Variants in SLC26A4 observed in about 807,000 individuals in gnomAD.
SLC26A4 encodes solute carrier family 26 member 4.
In SLC26A4, 93 loss-of-function variants were observed where a neutral mutation model predicts 90.4. That is an observed-to-expected ratio of 1.03 (90% CI 0.87 to 1.22). The LOEUF is 1.22. Ranked by LOEUF, SLC26A4 falls within the 50% of genes most tolerant of loss-of-function variation. The pLI, the probability that SLC26A4 is intolerant of heterozygous loss-of-function variation, is 0.00. For missense variants in SLC26A4, 1,127 were observed against 946.2 expected, an observed-to-expected ratio of 1.19 and a Z score of -2.51; for synonymous variants, 393 against 354.6, an observed-to-expected ratio of 1.11 and a Z score of -1.22.
chr7:107,687,319 C>T (rs1791448000), intron 8 of SLC26A4, among the ~76,000 whole-genome samples: 1 of 152,166 alleles, frequency 6.6e-6, no homozygotes, highest in Non-Finnish European at 1.5e-5. Flanking sequence ...ACTTACAGGT[C>T]ATTAGAAGAT....
In SLC26A4 at chr7:107,661,765, G is replaced by A; in HGVS notation, c.124G>A (p.Glu42Lys). ...FQQQHERRLQ[E>K]RKTLRESLAK... The stretch of plus-strand genomic sequence containing the variant: ...GCAACAGCACGAGCGGCGCCTGCAG[G>A]AGCGCAAGACGCTGCGGGAGAGCCT... The change falls in exon 2 of 21, where the codon GAG (glutamate) becomes AAG (lysine). Residue 42 changes from glutamate to lysine, a missense_variant. Glu to Lys is a moderately conservative substitution (Grantham distance 56). Coordinates refer to ENST00000644269, the MANE Select transcript of SLC26A4 (RefSeq NM_000441.2). The surrounding 1 kb of genome is among the most constrained non-coding windows in gnomAD (Gnocchi z 5.1). 2 of 1,543,380 alleles carry A rather than the reference G, an allele frequency of 1.3e-6. No individual in the cohort carries two copies. The highest frequency in any genetic ancestry group is 2.4e-5 in the East Asian group (1 of 41,214).
Position 107,674,222 on chromosome 7 carries a change from C to T in SLC26A4, c.474C>T (p.Asp158=), listed in dbSNP as rs1790952410. The change falls in exon 5 of 21, where the codon GAC becomes GAT. Residue 158 remains aspartate, a synonymous_variant. Transcript: ENST00000644269. ...VGSVVLSMAP[D]EHFLVSSSNG... is the part of the protein sequence containing the mutation. Reference sequence around the variant, plus strand: ...CTGTTGTTCTGAGCATGGCCCCCGACGAACACTTTCTCGTATCCAGCAGCA... The same window carrying T: ...CTGTTGTTCTGAGCATGGCCCCCGATGAACACTTTCTCGTATCCAGCAGCA... The T allele has an allele frequency of 5.0e-6, 8 of 1,614,024 alleles. No homozygotes were observed. Among genetic ancestry groups the T allele is most frequent in the East Asian group, 2.2e-5 (1 of 44,880 alleles).
At chr7:107,712,482 T>G in intron 19 of SLC26A4, 57 bp from the exon 20 acceptor site, 1 of 850,054 alleles carries the variant, frequency 1.2e-6, no homozygotes, top group Non-Finnish European at 2.1e-6. Context: ...TCATTTTCAG[T>G]GGAGCATCAG....
Position 107,674,157 on chromosome 7 carries a change from T to C in SLC26A4, c.416-7T>C, listed in dbSNP as rs111033387. The C allele has an allele frequency of 3.3e-4, 531 of 1,613,916 alleles. 2 individuals are homozygous for C. In the African/African-American group the frequency reaches 6.4e-3, roughly 19 times the overall value. On this transcript the variant is annotated splice_region_variant and splice_polypyrimidine_tract_variant and intron_variant, in intron 4 of 20. Coordinates refer to ENST00000644269, the MANE Select transcript of SLC26A4 (RefSeq NM_000441.2). The stretch of plus-strand genomic sequence containing the variant: ...CTGATTAATTGTTAGAGACTTTTTT[T>C]CCCCAGGACCTTTTCCAGTGGTGAG...
At chr7:107,695,132 G>A (rs566965699) in intron 12 of SLC26A4, among the ~76,000 whole-genome samples, 25 of 152,294 alleles carry the variant, frequency 1.6e-4, no homozygotes, top group Non-Finnish European at 2.9e-4. Context: ...CTAAAAATCA[G>A]AAGCTAAATC....
intron 3 of SLC26A4, among the ~76,000 whole-genome samples, chr7:107,669,971 T>C (rs1002430832): frequency 6.6e-6 from 1 of 152,186 alleles, no homozygotes; most frequent in Admixed American, 6.5e-5. Context: ...AGGAAGAGTA[T>C]ACTGAGAGTT....
intron 10 of SLC26A4, among the ~76,000 whole-genome samples, chr7:107,691,074 C>G (rs1584326033): frequency 6.7e-6 from 1 of 149,672 alleles, no homozygotes; most frequent in East Asian, 2.0e-4. Context: ...CATTGAGACT[C>G]CAAAGAACAA....
intron 14 of SLC26A4, 81 bp downstream of exon 14, chr7:107,698,192 G>A: frequency 1.1e-6 from 1 of 905,104 alleles, no homozygotes; most frequent in South Asian, 1.3e-5. Flanking sequence ...GTACAAGGTA[G>A]CCAAAGGGAG....
chr7:107,699,420 C>CT (rs1791825731), intron 14 of SLC26A4, among the ~76,000 whole-genome samples: 1 of 152,062 alleles, frequency 6.6e-6, no homozygotes, highest in African/African-American at 2.4e-5. Context: ...ATTGATTTTG[C>CT]TTTTTTTCTT....
chr7:107,709,777 GA>G (rs1792129992), intron 18 of SLC26A4, among the ~76,000 whole-genome samples: 2 of 152,114 alleles, frequency 1.3e-5, no homozygotes, highest in Non-Finnish European at 2.9e-5. Flanking sequence ...TTGGATAAGA[GA>G]AAAATAAATA....
intron 3 of SLC26A4, among the ~76,000 whole-genome samples, chr7:107,663,645 AT>A (rs1196763695): frequency 2.6e-5 from 4 of 152,146 alleles, no homozygotes; most frequent in Admixed American, 2.0e-4. Flanking sequence ...CAGAGGTCCA[AT>A]TTAGAGGCAT....
In SLC26A4 at chr7:107,698,043, C is replaced by T. The variant is rs753960052; in HGVS notation, c.1546C>T (p.Pro516Ser). The change falls in exon 14 of 21, where the codon CCT (proline) becomes TCT (serine). Residue 516 changes from proline (P) to serine (S), a missense_variant and splice_region_variant. Coordinates refer to ENST00000644269, the MANE Select transcript of SLC26A4 (RefSeq NM_000441.2). Reference sequence around the variant, plus strand: ...TGACCTTGATATTTTTTCTTCTAGTCCTTCTTGGAATGGCCTTGGAAGCAT... The same window carrying T: ...TGACCTTGATATTTTTTCTTCTAGTTCTTCTTGGAATGGCCTTGGAAGCAT... ...LLTVVLRVQF[P>S]SWNGLGSIPS... The T allele has an allele frequency of 1.2e-6, 2 of 1,602,216 alleles. No homozygotes were observed. Among genetic ancestry groups the T allele is most frequent in the Admixed American group, 3.3e-5 (2 of 59,948 alleles).
intron 12 of SLC26A4, among the ~76,000 whole-genome samples, chr7:107,694,941 C>T (rs978495671): frequency 1.3e-5 from 2 of 152,024 alleles, no homozygotes; most frequent in Non-Finnish European, 2.9e-5. Context: ...AGCAAGAATC[C>T]CATATGAGGC....
chr7:107,673,358 G>A (rs1367847195), intron 4 of SLC26A4, among the ~76,000 whole-genome samples: 1 of 151,944 alleles, frequency 6.6e-6, no homozygotes, highest in African/African-American at 2.4e-5. Flanking sequence ...CTTACAAAAA[G>A]AGAAAGAAAC....
rs1475738350 is a variant in SLC26A4, at chr7:107,674,962, G to C, written c.618G>C (p.Leu206Phe). Reference sequence around the variant, plus strand: ...TATCGTAGTTGATATTTGGTGGCTTGCAGATTGGATTCATAGTGAGGTACT... The same window carrying C: ...TATCGTAGTTGATATTTGGTGGCTTCCAGATTGGATTCATAGTGAGGTACT... Reference protein sequence around the residue: ...VGIIQLIFGGLQIGFIVRYLA... With the variant: ...VGIIQLIFGGFQIGFIVRYLA... Residue 206 changes from leucine (L) to phenylalanine (F), a missense_variant, in exon 6 of 21, where the codon TTG becomes TTC. Leu to Phe is a conservative substitution (Grantham distance 22). Coordinates refer to ENST00000644269, the MANE Select transcript of SLC26A4 (RefSeq NM_000441.2). 1 of 1,613,922 alleles carries C rather than the reference G, an allele frequency of 6.2e-7. No individual in the cohort carries two copies. Among genetic ancestry groups the C allele is most frequent in the Non-Finnish European group, 8.5e-7 (1 of 1,179,978 alleles).
At chr7:107,671,541 T>C (rs182068626) in intron 3 of SLC26A4, among the ~76,000 whole-genome samples, 7 of 152,292 alleles carry the variant, frequency 4.6e-5, no homozygotes, top group Admixed American at 2.0e-4. Flanking sequence ...ATCAACTGAG[T>C]CCATTCATTT....
intron 6 of SLC26A4, among the ~76,000 whole-genome samples, chr7:107,676,206 T>C (rs1791019965): frequency 6.6e-6 from 1 of 152,192 alleles, no homozygotes; most frequent in Admixed American, 6.5e-5. Context: ...TTAGTAATAG[T>C]ATATGCCTCA....
chr7:107,678,601 C>A (rs1791087427), intron 6 of SLC26A4, among the ~76,000 whole-genome samples: 1 of 152,170 alleles, frequency 6.6e-6, no homozygotes. Flanking sequence ...TAACTTACTT[C>A]CTGTTGAATA....
intron 17 of SLC26A4, among the ~76,000 whole-genome samples, chr7:107,704,104 A>G (rs1312681354): frequency 1.3e-5 from 2 of 152,186 alleles, no homozygotes; most frequent in African/African-American, 4.8e-5. Context: ...CACGCTATCA[A>G]GTGCTGTGCT....
Sources: allele counts gnomAD v4.1 joint callset (sites outside exome capture counted in the v4.1 genomes callset), GRCh38; gene constraint gnomAD v4.1.1; non-coding constraint Gnocchi (gnomAD v3.1); transcripts MANE v1.5; gene names NCBI Gene and HGNC (gene_info 2026-07-23, HGNC 2026-07-21).